Variants in CTNNA2 observed in about 807,000 individuals in gnomAD.
CTNNA2 encodes catenin alpha-2.
CTNNA2 carries 42 observed loss-of-function variants against 101.0 expected under a neutral mutation model. That is an observed-to-expected ratio of 0.42 (90% CI 0.32 to 0.54). The LOEUF (loss-of-function observed/expected upper bound fraction) is 0.54, where lower values mean the gene tolerates loss of function less well. Ranked by LOEUF, CTNNA2 falls within the 20% of genes least tolerant of loss-of-function variation. The pLI, the probability that CTNNA2 is intolerant of heterozygous loss-of-function variation, is 0.14. For missense variants in CTNNA2, 871 were observed against 1,223.1 expected, an observed-to-expected ratio of 0.71 and a Z score of 4.29; for synonymous variants, 450 against 456.4, an observed-to-expected ratio of 0.99 and a Z score of 0.18.
At chr2:80,305,056 C>T (rs755150115) in intron 7 of CTNNA2, 3 of 984,748 alleles carry the variant, frequency 3.0e-6, no homozygotes, top group Non-Finnish European at 3.6e-6. Context: ...CCCTTTAAAA[C>T]TGTCTACGTG....
At chr2:79,841,204 C>A (rs1159236107) in intron 3 of CTNNA2, among the ~76,000 whole-genome samples, 1 of 152,162 alleles carries the variant, frequency 6.6e-6, no homozygotes, top group African/African-American at 2.4e-5. Flanking sequence ...AAGAAACATG[C>A]AGAGTCAAAC....
rs1185864319 is a variant in CTNNA2, at chr2:79,833,434, T to C, written c.299-24579T>C. Among the ~76,000 whole-genome samples, 5 of 152,296 alleles carry C rather than the reference T, an allele frequency of 3.3e-5. No homozygotes were observed. The East Asian group carries it at 9.6e-4, about 29-fold the overall frequency. On this transcript the variant is annotated intron_variant, in intron 3 of 18. Transcript: ENST00000402739. Reference sequence around the variant, plus strand: ...CTAGTCAAAAGTAATGCTTTCAGCATCCTTCTCTCTTTTCCTTGATAGTGA... The same window carrying C: ...CTAGTCAAAAGTAATGCTTTCAGCACCCTTCTCTCTTTTCCTTGATAGTGA...
chr2:79,591,707 T>A lies in CTNNA2; in HGVS notation c.-5-59845T>A, dbSNP rs544039089. Among the ~76,000 whole-genome samples, 8 of 152,296 alleles carry A rather than the reference T, an allele frequency of 5.3e-5. No individual in the cohort carries two copies. In the East Asian group the frequency reaches 1.4e-3, roughly 26 times the overall value. On this transcript the variant is annotated intron_variant, in intron 1 of 18. Coordinates refer to ENST00000402739, the MANE Select transcript of CTNNA2 (RefSeq NM_001282597.3). ...AAGACCAACAGTTCTGAGGGGATACTGGTCTCTTTTAAAGTCTTAGAGAAA... is the reference window on the plus strand; with the variant it reads ...AAGACCAACAGTTCTGAGGGGATACAGGTCTCTTTTAAAGTCTTAGAGAAA...
At chr2:80,309,711 T>A (rs1446082617) in intron 7 of CTNNA2, among the ~76,000 whole-genome samples, 2 of 151,232 alleles carry the variant, frequency 1.3e-5, no homozygotes, top group Non-Finnish European at 2.9e-5. Context: ...TTTTTTGTTT[T>A]TGAGACGGAG....
chr2:80,289,721 C>T (rs1675073424), intron 7 of CTNNA2, among the ~76,000 whole-genome samples: 1 of 152,148 alleles, frequency 6.6e-6, no homozygotes. Context: ...CACCCAGGTT[C>T]ACAGAGTCAC....
At chr2:79,315,110 T>C (rs1676465672) in intron 3 of CTNNA2, among the ~76,000 whole-genome samples, 2 of 152,158 alleles carry the variant, frequency 1.3e-5, no homozygotes, top group Admixed American at 6.5e-5. Flanking sequence ...TCTTGTTTTC[T>C]CTCTTCTTCT....
chr2:80,367,734 TA>T (rs1374781994), intron 7 of CTNNA2, among the ~76,000 whole-genome samples: 1 of 152,046 alleles, frequency 6.6e-6, no homozygotes, highest in Non-Finnish European at 1.5e-5. Flanking sequence ...ATGCAGTTTT[TA>T]AAAAAAGAGG....
chr2:80,098,822 C>G (rs1700350852), intron 7 of CTNNA2, among the ~76,000 whole-genome samples: 1 of 152,174 alleles, frequency 6.6e-6, no homozygotes, highest in African/African-American at 2.4e-5. Flanking sequence ...GGGTTATAAC[C>G]TCCTGGTGTG....
intron 7 of CTNNA2, among the ~76,000 whole-genome samples, chr2:80,077,542 A>T (rs1020819848): frequency 2.0e-5 from 3 of 151,634 alleles, no homozygotes; most frequent in African/African-American, 7.3e-5. Flanking sequence ...TGAGCCCAGG[A>T]GTTTGAGACC....
intron 3 of CTNNA2, among the ~76,000 whole-genome samples, chr2:79,810,298 G>A (rs886621407): frequency 6.6e-6 from 1 of 152,084 alleles, no homozygotes; most frequent in African/African-American, 2.4e-5. Context: ...CACAGTTGGC[G>A]AGGGAGAATG....
At chr2:79,222,343 TC>T (rs1407402746) in intron 2 of CTNNA2, among the ~76,000 whole-genome samples, 1 of 152,224 alleles carries the variant, frequency 6.6e-6, no homozygotes, top group Non-Finnish European at 1.5e-5. Flanking sequence ...AATGAGTTCA[TC>T]CTTCTTCTGT....
At chr2:80,596,040 G>A (rs1255106229) in intron 15 of CTNNA2, among the ~76,000 whole-genome samples, 1 of 151,876 alleles carries the variant, frequency 6.6e-6, no homozygotes, top group Non-Finnish European at 1.5e-5. Flanking sequence ...TTATTTCCTT[G>A]AGCAGTGGTT....
At chr2:79,375,764 C>G (rs1399644187) in intron 4 of CTNNA2, among the ~76,000 whole-genome samples, 1 of 152,124 alleles carries the variant, frequency 6.6e-6, no homozygotes, top group African/African-American at 2.4e-5. Flanking sequence ...TTAACAAAAA[C>G]ATATGAGCCA....
At chr2:79,411,176 T>G (rs1678405472) in intron 4 of CTNNA2, among the ~76,000 whole-genome samples, 1 of 152,128 alleles carries the variant, frequency 6.6e-6, no homozygotes, top group African/African-American at 2.4e-5. Context: ...TCGCGTCTAT[T>G]TGATTCTTCT....
chr2:79,746,749 T>G (rs1671679025), intron 3 of CTNNA2, among the ~76,000 whole-genome samples: 1 of 152,176 alleles, frequency 6.6e-6, no homozygotes, highest in Admixed American at 6.5e-5. Flanking sequence ...AAGGAATACC[T>G]TCTCAGGGAA....
intron 1 of CTNNA2, among the ~76,000 whole-genome samples, chr2:79,186,968 T>C (rs2104150958): frequency 6.6e-6 from 1 of 152,312 alleles, no homozygotes; most frequent in South Asian, 2.1e-4. Context: ...CTACCTCTTT[T>C]ATACAATGCA....
chr2:79,741,900 A>G (rs1671311257), intron 2 of CTNNA2, among the ~76,000 whole-genome samples: 1 of 152,190 alleles, frequency 6.6e-6, no homozygotes, highest in Non-Finnish European at 1.5e-5. Context: ...AGCATTGACA[A>G]TTGTTTATTC....
intron 7 of CTNNA2, among the ~76,000 whole-genome samples, chr2:80,171,066 A>AT (rs1218644000): frequency 6.6e-6 from 1 of 152,148 alleles, no homozygotes; most frequent in Non-Finnish European, 1.5e-5. Flanking sequence ...AAAAGGAGAG[A>AT]TTTTTTATTA....
intron 6 of CTNNA2, among the ~76,000 whole-genome samples, chr2:79,890,985 C>T (rs1343193757): frequency 1.3e-5 from 2 of 149,658 alleles, no homozygotes; most frequent in East Asian, 4.0e-4. Context: ...ATATAGTCAC[C>T]CCACAAAGCC....
Sources: allele counts gnomAD v4.1 joint callset (sites outside exome capture counted in the v4.1 genomes callset), GRCh38; gene constraint gnomAD v4.1.1; transcripts MANE v1.5; gene names NCBI Gene and HGNC (gene_info 2026-07-23, HGNC 2026-07-21).